The following N4BP2 variants were observed in gnomAD, a reference collection of about 807,000 sequenced individuals.
N4BP2 encodes NEDD4 binding protein 2.
In N4BP2, 91 loss-of-function variants were observed where a neutral mutation model predicts 152.8. That is an observed-to-expected ratio of 0.60 (90% CI 0.50 to 0.71). The LOEUF is 0.71. N4BP2 is among the 30% of genes least tolerant of loss of function. The pLI is 0.00. For missense variants in N4BP2, 1,923 were observed against 2,059.1 expected (o/e 0.93, Z 1.28); for synonymous variants, 646 against 705.3 (o/e 0.92, Z 1.33).
At chr4:40,189,025 A>T in the N4BP2 span, among the ~76,000 whole-genome samples, 2,095 of 151,456 alleles carry the variant, frequency 0.014, 23 homozygotes, top group Middle Eastern at 0.031. This position sits in a 1 kb window ranked among gnomAD's most constrained non-coding sequence, Gnocchi z 4.3. Context: ...GTGTGCCTTT[A>T]ATTCCAGCTA....
chr4:40,057,156 C>T (rs976169785), intron 1 of N4BP2, 126 bp downstream of exon 1: 1 of 152,634 alleles, frequency 6.6e-6, no homozygotes, highest in Admixed American at 6.5e-5. Flanking sequence ...CGAATGAACC[C>T]CCAAGCCCTG....
intron 3 of N4BP2, among the ~76,000 whole-genome samples, 184 bp downstream of exon 3, chr4:40,097,753 CAT>C (rs1434520052): frequency 2.0e-5 from 3 of 152,256 alleles, no homozygotes; most frequent in East Asian, 1.9e-4. Context: ...AAGAATAAAA[CAT>C]ATTTTCTGCT....
In N4BP2 at chr4:40,157,305, T is replaced by C. The variant is rs1351017758; in HGVS notation, c.*3068T>C. On this transcript the variant is annotated 3_prime_UTR_variant, in exon 18 of 18. Transcript: ENST00000261435. ...AGTATTTCCATACTATTTGCAACTT[T>C]ATGGCCTTTAAATATAGGACATATT... is the stretch of plus-strand genomic sequence containing the variant. 1.3e-5 allele frequency: 2 copies of C among 152,150 alleles called. No homozygotes were observed. The highest frequency in any genetic ancestry group is 4.8e-5 in the African/African-American group (2 of 41,458). The allele number at this position is 152,150 out of a possible 1,614,324, so 9.4% of individuals were successfully genotyped here. A position where few individuals can be genotyped will look rare whatever the true frequency, so the allele number is the denominator to read the frequency against.
intron 1 of N4BP2, among the ~76,000 whole-genome samples, chr4:40,066,262 A>G (rs1206021339): frequency 6.8e-6 from 1 of 146,258 alleles, no homozygotes; most frequent in Non-Finnish European, 1.5e-5. Flanking sequence ...TTAATTATTG[A>G]TTATGTAGTT....
downstream of N4BP2, among the ~76,000 whole-genome samples, chr4:40,162,842 C>T (rs1305177465): frequency 1.3e-5 from 2 of 152,112 alleles, no homozygotes; most frequent in African/African-American, 4.8e-5. Flanking sequence ...ACTAGGGAAG[C>T]CAGTAGCATG....
At chr4:40,177,150 G>T in the N4BP2 span, among the ~76,000 whole-genome samples, 3 of 152,120 alleles carry the variant, frequency 2.0e-5, no homozygotes, top group Non-Finnish European at 4.4e-5. Context: ...GGAGGGGGTC[G>T]TGCCTAGCTA....
At chr4:40,182,099 T>C in the N4BP2 span, among the ~76,000 whole-genome samples, 2 of 152,226 alleles carry the variant, frequency 1.3e-5, no homozygotes, top group African/African-American at 2.4e-5. Flanking sequence ...ACCTTTATTA[T>C]TGGCTACAGT....
intron 1 of N4BP2, among the ~76,000 whole-genome samples, chr4:40,063,610 TTTA>T (rs941129978): frequency 7.2e-5 from 11 of 152,164 alleles, no homozygotes; most frequent in African/African-American, 2.6e-4. Flanking sequence ...TCTTTATCGT[TTTA>T]TTGATTTATT....
chr4:40,078,149 A>ATGTG, intron 2 of N4BP2, among the ~76,000 whole-genome samples: 2 of 86,180 alleles, frequency 2.3e-5, no homozygotes, highest in East Asian at 9.3e-4. Context: ...GTGTGTGTGT[A>ATGTG]TGTGTGTATT....
the N4BP2 span, among the ~76,000 whole-genome samples, chr4:40,171,449 GAT>G: frequency 2.3e-4 from 35 of 152,180 alleles, no homozygotes; most frequent in Admixed American, 1.5e-3. Flanking sequence ...AGTGTTGTCT[GAT>G]GACACTTAGG....
chr4:40,106,233 G>C (rs2109969924), intron 4 of N4BP2, among the ~76,000 whole-genome samples: 1 of 152,288 alleles, frequency 6.6e-6, no homozygotes, highest in Non-Finnish European at 1.5e-5. Context: ...CCTTAGGTCA[G>C]ATTTTTTTTG....
At chr4:40,076,679 A>G (rs895053257) in intron 2 of N4BP2, among the ~76,000 whole-genome samples, 2 of 152,024 alleles carry the variant, frequency 1.3e-5, no homozygotes, top group East Asian at 1.9e-4. Context: ...TAGTAGAGAC[A>G]GGGTTTCACC....
chr4:40,134,175 A>C (rs1430131479), intron 13 of N4BP2, among the ~76,000 whole-genome samples: 1 of 152,176 alleles, frequency 6.6e-6, no homozygotes, highest in Admixed American at 6.5e-5. Context: ...CACCTAAATC[A>C]AATCTTTAAA....
intron 2 of N4BP2, among the ~76,000 whole-genome samples, chr4:40,088,143 T>C (rs887745742): frequency 3.3e-5 from 5 of 152,220 alleles, no homozygotes; most frequent in African/African-American, 1.2e-4. Flanking sequence ...TGCTGACTAG[T>C]ATTTCATGGA....
intron 16 of N4BP2, among the ~76,000 whole-genome samples, chr4:40,148,850 C>T (rs140747474): frequency 1.2e-4 from 19 of 152,112 alleles, no homozygotes; most frequent in Admixed American, 3.3e-4. Flanking sequence ...GTCTATATCA[C>T]ATTTTTTTAT....
chr4:40,073,597 A>AGT (rs1712427125), intron 2 of N4BP2, 46 bp downstream of exon 2: 1 of 146,542 alleles, frequency 6.8e-6, no homozygotes, highest in Non-Finnish European at 1.5e-5. Context: ...TACACATAAG[A>AGT]TTTTTTTTTT....
intron 14 of N4BP2, among the ~76,000 whole-genome samples, chr4:40,140,086 C>T (rs1450799134): frequency 6.6e-6 from 1 of 152,086 alleles, no homozygotes; most frequent in Non-Finnish European, 1.5e-5. Context: ...GCCACCATGC[C>T]CAGCCTTATT....
chr4:40,169,288 A>G, the N4BP2 span, among the ~76,000 whole-genome samples: 7 of 151,778 alleles, frequency 4.6e-5, no homozygotes, highest in South Asian at 4.2e-4. Context: ...TGTCTGAGGC[A>G]CGAGAATTGC....
intron 4 of N4BP2, among the ~76,000 whole-genome samples, chr4:40,104,535 C>T (rs1716057170): frequency 6.6e-6 from 1 of 151,798 alleles, no homozygotes; most frequent in Admixed American, 6.6e-5. Context: ...GACTTAATAA[C>T]AACAACAACA....
Sources: allele counts gnomAD v4.1 joint callset (sites outside exome capture counted in the v4.1 genomes callset), GRCh38; gene constraint gnomAD v4.1.1; non-coding constraint Gnocchi (gnomAD v3.1); transcripts MANE v1.5; gene names NCBI Gene and HGNC (gene_info 2026-07-23, HGNC 2026-07-21).